ENTREP2: variants seen among roughly 807,000 people sequenced by gnomAD.
The protein encoded by ENTREP2 is endosomal transmembrane epsin interactor 2.
chr15:29,612,519 T>A, the ENTREP2 span: 2 of 152,192 alleles, frequency 1.3e-5, no homozygotes, highest in South Asian at 2.1e-4. Flanking sequence ...AAAAGACATA[T>A]GTTCTTGCTC....
the ENTREP2 span, among the ~76,000 whole-genome samples, chr15:29,474,699 C>T: frequency 6.6e-6 from 1 of 152,102 alleles, no homozygotes; most frequent in African/African-American, 2.4e-5. Flanking sequence ...GGATTATAGA[C>T]ATGTACCACC....
At chr15:29,233,558 C>T in the ENTREP2 span, 3 of 590,898 alleles carry the variant, frequency 5.1e-6, no homozygotes, top group Non-Finnish European at 6.0e-6. Context: ...TACAATACCA[C>T]CTACTGTAAT....
chr15:29,253,249 T>C, the ENTREP2 span, among the ~76,000 whole-genome samples: 1 of 152,100 alleles, frequency 6.6e-6, no homozygotes, highest in Non-Finnish European at 1.5e-5. Context: ...AGTCTATGGG[T>C]TTCCCATCCA....
chr15:29,269,873 C>G, the ENTREP2 span: 1 of 633,872 alleles, frequency 1.6e-6, no homozygotes, highest in Non-Finnish European at 2.4e-6. Context: ...CTGGGCGGTG[C>G]GCCTGCGCGG....
chr15:29,589,067 T>C, the ENTREP2 span, among the ~76,000 whole-genome samples: 2 of 151,796 alleles, frequency 1.3e-5, no homozygotes, highest in Middle Eastern at 6.9e-3. Context: ...GATAAAACCA[T>C]ACAGAAATGA....
At chr15:29,274,594 G>A in the ENTREP2 span, among the ~76,000 whole-genome samples, 1 of 152,192 alleles carries the variant, frequency 6.6e-6, no homozygotes. Flanking sequence ...CCAGTACCTA[G>A]CACAGTGCCT....
the ENTREP2 span, among the ~76,000 whole-genome samples, chr15:29,631,229 G>A: frequency 6.6e-6 from 1 of 152,130 alleles, no homozygotes; most frequent in Non-Finnish European, 1.5e-5. Context: ...ATCTTCATCA[G>A]CAAATTTCAA....
At chr15:29,281,970 T>C in the ENTREP2 span, among the ~76,000 whole-genome samples, 91 of 152,320 alleles carry the variant, frequency 6.0e-4, 1 homozygote, top group African/African-American at 2.1e-3. Flanking sequence ...AAAGAGATAT[T>C]TCAATGTTAC....
At chr15:29,543,683 G>A in the ENTREP2 span, among the ~76,000 whole-genome samples, 2 of 151,940 alleles carry the variant, frequency 1.3e-5, no homozygotes, top group Admixed American at 1.3e-4. Flanking sequence ...GGAGGCTGAG[G>A]CAGGAGAATC....
chr15:29,312,352 A>C, the ENTREP2 span, among the ~76,000 whole-genome samples: 1 of 152,130 alleles, frequency 6.6e-6, no homozygotes, highest in Non-Finnish European at 1.5e-5. Context: ...AAAAAGAAAG[A>C]AAATCTAATA....
At chr15:29,124,771 A>G in the ENTREP2 span, 9 of 1,549,946 alleles carry the variant, frequency 5.8e-6, no homozygotes, top group Non-Finnish European at 7.9e-6. Flanking sequence ...CCTTAACCAG[A>G]AGGAGAATTC....
the ENTREP2 span, among the ~76,000 whole-genome samples, chr15:29,653,268 A>G: frequency 5.6e-3 from 855 of 152,340 alleles, 9 homozygotes; most frequent in African/African-American, 0.02. Context: ...AGATCATCAG[A>G]GTAAGACCCA....
chr15:29,404,703 G>A, the ENTREP2 span, among the ~76,000 whole-genome samples: 1 of 151,664 alleles, frequency 6.6e-6, no homozygotes, highest in African/African-American at 2.4e-5. Flanking sequence ...GGTACCCTAA[G>A]CCTCTCTCAG....
chr15:29,566,846 T>TACACACACACACACACACAC, the ENTREP2 span, among the ~76,000 whole-genome samples: 2,664 of 146,078 alleles, frequency 0.018, 76 homozygotes, highest in African/African-American at 0.057. Context: ...AAAGGAAAAA[T>TACACACACACACACACACAC]ACACACACAC....
chr15:29,619,463 G>GA, the ENTREP2 span, among the ~76,000 whole-genome samples: 1 of 152,046 alleles, frequency 6.6e-6, no homozygotes, highest in Non-Finnish European at 1.5e-5. Flanking sequence ...TGGGGAAACT[G>GA]AAACACTGAG....
At chr15:29,239,174 G>A in the ENTREP2 span, among the ~76,000 whole-genome samples, 1,280 of 152,236 alleles carry the variant, frequency 8.4e-3, 6 homozygotes, top group East Asian at 0.022. Context: ...TCAGGTAGAC[G>A]TGGAAATAAG....
chr15:29,193,995 A>G, the ENTREP2 span, among the ~76,000 whole-genome samples: 1 of 152,362 alleles, frequency 6.6e-6, no homozygotes, highest in South Asian at 2.1e-4. Context: ...ATGAAGTATG[A>G]CTTAAATAAA....
At chr15:29,667,245 T>C in the ENTREP2 span, among the ~76,000 whole-genome samples, 2 of 151,752 alleles carry the variant, frequency 1.3e-5, no homozygotes, top group Non-Finnish European at 2.9e-5. Context: ...TGGAGTGCAG[T>C]GGCGGGATCT....
the ENTREP2 span, among the ~76,000 whole-genome samples, chr15:29,173,010 A>G: frequency 2.6e-5 from 4 of 152,012 alleles, no homozygotes; most frequent in Non-Finnish European, 5.9e-5. Flanking sequence ...TCTGCAGCCT[A>G]TTTCTGCCTC....
Sources: gnomAD v4.1 joint callset for allele counts (sites outside exome capture counted in the v4.1 genomes callset) on GRCh38, gnomAD v4.1.1 for gene constraint, MANE v1.5 for transcripts, NCBI Gene and HGNC (gene_info 2026-07-23, HGNC 2026-07-21) for gene names.